Variants in C1QTNF7 observed in about 807,000 individuals in gnomAD.
C1QTNF7 encodes the protein C1q and TNF related 7.
Under a neutral mutation model 19.6 loss-of-function variants are expected in C1QTNF7, and 15 were observed. That is an observed-to-expected ratio of 0.76 (90% confidence interval 0.51 to 1.18). The LOEUF (loss-of-function observed/expected upper bound fraction) is 1.18. C1QTNF7 is among the 50% of genes most tolerant of loss of function. C1QTNF7 has a pLI of 0.00. For missense variants in C1QTNF7, 324 were observed against 359.7 expected (o/e 0.90, Z 0.80); for synonymous variants, 142 against 137.5 (o/e 1.03, Z -0.23).
intron 1 of C1QTNF7, among the ~76,000 whole-genome samples, chr4:15,420,495 C>T (rs1338750038): frequency 3.3e-5 from 5 of 152,152 alleles, no homozygotes; most frequent in Non-Finnish European, 7.3e-5. Flanking sequence ...TCTGCTCCTC[C>T]CTGCACCAAC....
In C1QTNF7 at chr4:15,387,728, A is replaced by G. The variant is rs113447435; in HGVS notation, c.13+47521A>G. Among the ~76,000 whole-genome samples, 8 of 152,334 alleles carry G rather than the reference A, an allele frequency of 5.3e-5. 1 individual carries two copies. The highest frequency in any genetic ancestry group is 1.7e-4 in the African/African-American group (7 of 41,584). ...CAGTGAAATAAGGTAGTGTCTGAAA[A>G]GAGAAGTGGTAGTATATACAGTAAT... On this transcript the variant is annotated intron_variant, in intron 1 of 2. Transcript: ENST00000295297.
rs576213185 is a variant in C1QTNF7, at chr4:15,371,927, T to G, written c.13+31720T>G. Among the ~76,000 whole-genome samples, 6 of 149,876 alleles carry G rather than the reference T, an allele frequency of 4.0e-5. No homozygotes were observed. The East Asian group carries it at 9.9e-4, about 25-fold the overall frequency. On this transcript the variant is annotated intron_variant, in intron 1 of 2. Coordinates refer to the C1QTNF7 transcript ENST00000295297. ...CTCCAGGCAACTCAATAGGAAAGAG[T>G]AGGAAAGGAAAGGAAAGGGTCACAG...
At chr4:15,393,787 A>T (rs1458742995) in intron 1 of C1QTNF7, among the ~76,000 whole-genome samples, 1 of 152,132 alleles carries the variant, frequency 6.6e-6, no homozygotes, top group Non-Finnish European at 1.5e-5. Flanking sequence ...AGACAGGGCT[A>T]CTCACTCATT....
At chr4:15,365,111 A>G (rs1009873766) in intron 1 of C1QTNF7, among the ~76,000 whole-genome samples, 3 of 152,094 alleles carry the variant, frequency 2.0e-5, no homozygotes, top group African/African-American at 4.8e-5. Context: ...CATCCAGTGA[A>G]ATGGGGATTT....
At chr4:15,350,067 A>AAGGAAGGGAGAG (rs1368878555) in intron 1 of C1QTNF7, among the ~76,000 whole-genome samples, 2 of 128,254 alleles carry the variant, frequency 1.6e-5, no homozygotes, top group African/African-American at 6.1e-5. Context: ...GGAAGGGAAG[A>AAGGAAGGGAGAG]AGGAAGGGAG....
At chr4:15,437,977 GT>G (rs1712603042) in intron 2 of C1QTNF7, among the ~76,000 whole-genome samples, 2 of 152,148 alleles carry the variant, frequency 1.3e-5, no homozygotes, top group Non-Finnish European at 2.9e-5. Flanking sequence ...ATAAGACATT[GT>G]TCTTGCCTTG....
intron 1 of C1QTNF7, among the ~76,000 whole-genome samples, chr4:15,420,855 T>TTTTTTA (rs1553890372): frequency 6.8e-6 from 1 of 147,154 alleles, no homozygotes; most frequent in Non-Finnish European, 1.5e-5. Flanking sequence ...TTTTTTTTTT[T>TTTTTTA]ACCAAACCTC....
At chr4:15,412,383 C>CG (rs1719434087) in intron 1 of C1QTNF7, among the ~76,000 whole-genome samples, 2 of 149,026 alleles carry the variant, frequency 1.3e-5, no homozygotes. Flanking sequence ...GGTGCCAAAA[C>CG]GTTCGGGGAG....
chr4:15,411,295 A>C (rs1719394692), intron 1 of C1QTNF7, among the ~76,000 whole-genome samples: 2 of 152,168 alleles, frequency 1.3e-5, no homozygotes, highest in Non-Finnish European at 1.5e-5. Flanking sequence ...GACAAACGAG[A>C]TGAAAGATGA....
chr4:15,439,157 C>T (rs1712650130), intron 2 of C1QTNF7, among the ~76,000 whole-genome samples: 1 of 152,168 alleles, frequency 6.6e-6, no homozygotes, highest in Non-Finnish European at 1.5e-5. Flanking sequence ...CCCTTCTTTC[C>T]ACTCTTAATG....
chr4:15,355,058 A>T (rs1261106321), intron 1 of C1QTNF7, among the ~76,000 whole-genome samples: 3 of 152,152 alleles, frequency 2.0e-5, no homozygotes, highest in African/African-American at 7.2e-5. Context: ...GGGAACTAGG[A>T]TTCAACCTGA....
chr4:15,384,186 C>T (rs1428670900), intron 1 of C1QTNF7, among the ~76,000 whole-genome samples: 1 of 152,138 alleles, frequency 6.6e-6, no homozygotes, highest in African/African-American at 2.4e-5. Flanking sequence ...AACCTGGGAT[C>T]ATTGCTTAAG....
chr4:15,416,339 TA>T (rs764313998), intron 1 of C1QTNF7, among the ~76,000 whole-genome samples: 64 of 152,196 alleles, frequency 4.2e-4, no homozygotes, highest in Non-Finnish European at 8.2e-4. Context: ...ACCATGAACA[TA>T]GGCTCTGGCA....
intron 1 of C1QTNF7, among the ~76,000 whole-genome samples, chr4:15,405,723 C>G (rs1719166149): frequency 6.6e-6 from 1 of 152,166 alleles, no homozygotes; most frequent in Non-Finnish European, 1.5e-5. Flanking sequence ...GAAATGAGGT[C>G]ATGTCCCTCT....
chr4:15,413,359 A>G (rs758035268), intron 1 of C1QTNF7, among the ~76,000 whole-genome samples: 1 of 152,212 alleles, frequency 6.6e-6, no homozygotes, highest in Non-Finnish European at 1.5e-5. Context: ...CACTAAATAA[A>G]TGGTTGTGTA....
chr4:15,422,209 T>TAAAA (rs386399348), intron 1 of C1QTNF7, among the ~76,000 whole-genome samples: 638 of 51,412 alleles, frequency 0.012, 6 homozygotes, highest in East Asian at 0.088. Flanking sequence ...CTGTTTTTTT[T>TAAAA]TAAAAAAAAA....
intron 1 of C1QTNF7, chr4:15,381,826 C>G (rs909636725): frequency 8.5e-5 from 13 of 152,156 alleles, no homozygotes; most frequent in Admixed American, 8.5e-4. Context: ...GTTGAAGAAC[C>G]AACTCTTTAA....
rs571270098 is a variant in C1QTNF7, at chr4:15,350,811, GAGAA to G, written c.13+10610_13+10613del. 2.0e-4 allele frequency among the ~76,000 whole-genome samples: 30 copies of G among 152,274 alleles called. No individual in the cohort carries two copies. The East Asian group carries it at 5.6e-3, about 28-fold the overall frequency. ...GCAGGACCTCAGGATAGCTGCCCCG[GAGAA>G]AGAAAAACTAATGGGAAATAGGAGA... On this transcript the variant is annotated intron_variant, in intron 1 of 2. Coordinates refer to the C1QTNF7 transcript ENST00000295297.
In C1QTNF7 at chr4:15,442,172, G is replaced by A. The variant is rs1488685499; in HGVS notation, c.243G>A (p.Leu81=). 4 of 1,595,554 alleles carry A rather than the reference G, an allele frequency of 2.5e-6. No individual in the cohort carries two copies. The African/African-American group carries it at 5.4e-5, about 22-fold the overall frequency. ...GEKGEKGTAG[L]RGKTGPLGLA... ...AACTATATACTCTTTCTGAAGGTTT[G>A]AGAGGTAAGACTGGACCGCTAGGTC... Residue 81 remains leucine (L), a synonymous_variant, in exon 3 of 3, where the codon TTG becomes TTA. Coordinates refer to ENST00000444304, the MANE Select transcript of C1QTNF7 (RefSeq NM_031911.5).
Sources: allele counts gnomAD v4.1 joint callset (sites outside exome capture counted in the v4.1 genomes callset), GRCh38; gene constraint gnomAD v4.1.1; transcripts MANE v1.5; gene names NCBI Gene and HGNC (gene_info 2026-07-23, HGNC 2026-07-21).